The following SQSTM1 variants were observed in gnomAD, a reference collection of about 807,000 sequenced individuals.
SQSTM1 encodes sequestosome-1.
Under a neutral mutation model 45.1 loss-of-function variants are expected in SQSTM1, and 36 were observed. That is an observed-to-expected ratio of 0.80 (90% confidence interval 0.61 to 1.05). The LOEUF is 1.05. Among genes scored for constraint, SQSTM1 ranks in the 50% least tolerant of loss-of-function variants. The probability of loss-of-function intolerance (pLI) is 0.00; values close to 1 mark genes in which losing one functional copy is unlikely to be tolerated. For missense variants in SQSTM1, 617 were observed against 607.1 expected, an observed-to-expected ratio of 1.02 and a Z score of -0.17; for synonymous variants, 290 against 244.3, an observed-to-expected ratio of 1.19 and a Z score of -1.74.
At chr5:179,831,947 C>T (rs1329181306) in intron 5 of SQSTM1, among the ~76,000 whole-genome samples, 1 of 152,018 alleles carries the variant, frequency 6.6e-6, no homozygotes, top group East Asian at 2.0e-4. Context: ...CCACGCCCAG[C>T]TGATTTTTTG....
At chr5:179,813,892 T>C (rs1053138339), upstream of SQSTM1, among the ~76,000 whole-genome samples, 1 of 152,214 alleles carries the variant, frequency 6.6e-6, no homozygotes, top group Non-Finnish European at 1.5e-5. Context: ...ACAGACACTG[T>C]CACAAAACTA....
chr5:179,832,999 T>G, intron 5 of SQSTM1, 33 bp from the exon 6 acceptor site: 1 of 1,612,646 alleles, frequency 6.2e-7, no homozygotes, highest in Non-Finnish European at 8.5e-7. Flanking sequence ...TTGGGGGAAC[T>G]TCACGGCTTG....
intron 1 of SQSTM1, among the ~76,000 whole-genome samples, chr5:179,821,946 T>C (rs1022508922): frequency 6.1e-5 from 9 of 147,976 alleles, no homozygotes; most frequent in Admixed American, 3.3e-4. Flanking sequence ...CTCCTATTCT[T>C]AAAAAAAAAA....
At chr5:179,834,245 G>T (rs1311357485) in intron 7 of SQSTM1, among the ~76,000 whole-genome samples, 4 of 89,780 alleles carry the variant, frequency 4.5e-5, no homozygotes, top group South Asian at 4.6e-4. Flanking sequence ...GTGGGGGGGT[G>T]GGGGGTGGGG....
intron 2 of SQSTM1, 54 bp from the exon 3 acceptor site, chr5:179,823,804 G>C (rs1181512296): frequency 1.9e-6 from 3 of 1,576,188 alleles, no homozygotes; most frequent in African/African-American, 2.7e-5. Context: ...TGACGACAGA[G>C]GGGGAGGACT....
rs1758611876 is a variant in SQSTM1, at chr5:179,837,191, T to C, written c.*598T>C. The C allele has an allele frequency of 6.5e-7, 1 of 1,542,186 alleles. No homozygotes were observed. Among genetic ancestry groups the C allele is most frequent in the Admixed American group, 1.9e-5 (1 of 51,782 alleles). On this transcript the variant is annotated 3_prime_UTR_variant, in exon 8 of 8. Coordinates refer to ENST00000389805, the MANE Select transcript of SQSTM1 (RefSeq NM_003900.5). ...CATCAGCTGCTTTTAAAATAAGATC[T>C]CTTTGTAGCCATCCTGTTAAATTTG... is the stretch of plus-strand genomic sequence containing the variant.
chr5:179,813,883 C>T (rs1218770782), upstream of SQSTM1, among the ~76,000 whole-genome samples: 2 of 152,236 alleles, frequency 1.3e-5, no homozygotes, highest in African/African-American at 2.4e-5. Context: ...CACAGGCAAA[C>T]AGACACTGTC....
At chr5:179,824,424 G>A in intron 4 of SQSTM1, 101 bp downstream of exon 4, 1 of 1,547,278 alleles carries the variant, frequency 6.5e-7, no homozygotes, top group Non-Finnish European at 8.9e-7. Context: ...AAGAATTCAG[G>A]ATACCCCCCA....
At chr5:179,829,360 A>C (rs1758121586) in intron 5 of SQSTM1, among the ~76,000 whole-genome samples, 1 of 152,140 alleles carries the variant, frequency 6.6e-6, no homozygotes, top group Non-Finnish European at 1.5e-5. Flanking sequence ...TGCAGAGGGA[A>C]AGTTAGTGAT....
chr5:179,819,687 C>T (rs1410841509), upstream of SQSTM1, among the ~76,000 whole-genome samples: 1 of 152,250 alleles, frequency 6.6e-6, no homozygotes, highest in Non-Finnish European at 1.5e-5. Context: ...CTCCAGCAGG[C>T]CCTGGGGCAT....
rs1758351091 is a variant in SQSTM1, at chr5:179,833,575, G to C, written c.970-12G>C. 6.2e-7 allele frequency: 1 copy of C among 1,614,144 alleles called. No individual in the cohort carries two copies. Among genetic ancestry groups the C allele is most frequent in the Non-Finnish European group, 8.5e-7 (1 of 1,180,002 alleles). ...CGTGTCTCCTGTGTGCTCATGGTGA[G>C]TTTTGTTCCAGGAACAGATGGAGTC... On this transcript the variant is annotated splice_polypyrimidine_tract_variant and intron_variant, in intron 6 of 7. Coordinates refer to ENST00000389805, the MANE Select transcript of SQSTM1 (RefSeq NM_003900.5).
upstream of SQSTM1, among the ~76,000 whole-genome samples, chr5:179,819,661 G>A (rs971113839): frequency 1.3e-5 from 2 of 152,194 alleles, no homozygotes; most frequent in Non-Finnish European, 2.9e-5. Context: ...CCCTGCCCCT[G>A]TCTGCAAGGC....
intron 1 of SQSTM1, chr5:179,808,394 G>C (rs532349880): frequency 6.6e-6 from 1 of 152,232 alleles, no homozygotes; most frequent in Non-Finnish European, 1.5e-5. Context: ...GGACTTATAG[G>C]AGCCTTCTAG....
chr5:179,822,859 C>T (rs1215459189), intron 1 of SQSTM1, 99 bp from the exon 2 acceptor site: 2 of 989,076 alleles, frequency 2.0e-6, no homozygotes, highest in East Asian at 2.4e-5. Flanking sequence ...GTTTATAGCC[C>T]TGTGAGTGTC....
At chr5:179,823,445 C>CA (rs59899831) in intron 2 of SQSTM1, 1,243 of 55,888 alleles carry the variant, frequency 0.022, 242 homozygotes, top group Non-Finnish European at 0.032. Context: ...GCCTAGGCGA[C>CA]AAAAAAAAAA....
intron 5 of SQSTM1, among the ~76,000 whole-genome samples, chr5:179,828,407 CTTG>C (rs1478036620): frequency 4.3e-4 from 27 of 62,676 alleles, no homozygotes; most frequent in East Asian, 1.4e-3. Flanking sequence ...GACTTTTGCT[CTTG>C]TTGTCCAGGC....
At chr5:179,834,164 G>A (rs957082805) in intron 7 of SQSTM1, among the ~76,000 whole-genome samples, 2 of 142,152 alleles carry the variant, frequency 1.4e-5, no homozygotes, top group Non-Finnish European at 3.0e-5. Context: ...AGAGGGGGGG[G>A]GGTCATAGCC....
Position 179,836,317 on chromosome 5 carries a change from T to TG in SQSTM1, c.1166-116dup. The TG allele has an allele frequency of 1.3e-5, 18 of 1,381,210 alleles. No individual in the cohort carries two copies. The Middle Eastern group carries it at 9.7e-4, about 75-fold the overall frequency. 85.6% of individuals were successfully genotyped at this position (1,381,210 alleles called of 1,614,324 possible). On this transcript the variant is annotated intron_variant, in intron 7 of 7. Coordinates refer to ENST00000389805, the MANE Select transcript of SQSTM1 (RefSeq NM_003900.5). ...CTGTGGCCTGTGAGGACGAGAGCTCTGGGCAGGCTCGGACACTGGCAGACC... is the reference window on the plus strand; with the variant it reads ...CTGTGGCCTGTGAGGACGAGAGCTCTGGGGCAGGCTCGGACACTGGCAGACC...
chr5:179,833,810 ATTCC>A (rs1344184893), intron 7 of SQSTM1, 28 bp downstream of exon 7: 6 of 1,612,446 alleles, frequency 3.7e-6, no homozygotes, highest in East Asian at 2.2e-5. Context: ...TTTTGTACAT[ATTCC>A]TACCTTTCCC....
Sources: allele counts gnomAD v4.1 joint callset (sites outside exome capture counted in the v4.1 genomes callset), GRCh38; gene constraint gnomAD v4.1.1; transcripts MANE v1.5; gene names NCBI Gene and HGNC (gene_info 2026-07-23, HGNC 2026-07-21).